Variants in NBAS observed in about 807,000 individuals in gnomAD.
NBAS encodes NBAS subunit of NRZ tethering complex.
A neutral mutation model predicts 302.5 loss-of-function variants in NBAS; 219 were observed. The observed-to-expected ratio is 0.72, with a 90% CI of 0.65 to 0.81. NBAS has a LOEUF of 0.81. Among genes scored for constraint, NBAS ranks in the 30% least tolerant of loss-of-function variants. The pLI is 0.00. For synonymous variants in NBAS, 1,118 were observed against 1,021.6 expected (o/e 1.09, Z -1.80); for missense variants, 2,932 against 2,841.6 (o/e 1.03, Z -0.72).
At chr2:15,064,453 A>G in the NBAS span, among the ~76,000 whole-genome samples, 10 of 152,226 alleles carry the variant, frequency 6.6e-5, no homozygotes, top group Middle Eastern at 3.4e-3. Context: ...ATAATCTACC[A>G]AGACTGAATT....
chr2:15,067,673 G>A, the NBAS span, among the ~76,000 whole-genome samples: 1 of 151,916 alleles, frequency 6.6e-6, no homozygotes. Flanking sequence ...TAGGGGCTGT[G>A]GGGGAGGGGG....
chr2:14,969,382 A>C, the NBAS span, among the ~76,000 whole-genome samples: 5 of 151,806 alleles, frequency 3.3e-5, no homozygotes, highest in Admixed American at 3.3e-4. Context: ...TATTATTATT[A>C]TTATTATTTT....
the NBAS span, among the ~76,000 whole-genome samples, chr2:15,041,887 G>T: frequency 6.6e-6 from 1 of 152,006 alleles, no homozygotes; most frequent in Non-Finnish European, 1.5e-5. Flanking sequence ...TGGAAATAAG[G>T]CCTGGGAGGA....
chr2:15,160,587 G>T, the NBAS span, among the ~76,000 whole-genome samples: 1 of 129,266 alleles, frequency 7.7e-6, no homozygotes, highest in East Asian at 2.8e-4. Flanking sequence ...AGTGTGGGCG[G>T]GGGGAGGGGG....
At chr2:15,005,476 T>C in the NBAS span, among the ~76,000 whole-genome samples, 4 of 152,250 alleles carry the variant, frequency 2.6e-5, no homozygotes, top group Admixed American at 6.5e-5. Flanking sequence ...CTCTGGGAGA[T>C]GGGCATTATT....
Position 15,238,629 on chromosome 2 carries a change from A to G in NBAS, c.5782T>C (p.Phe1928Leu). 6.2e-7 allele frequency: 1 copy of G among 1,613,264 alleles called. No homozygotes were observed. Among genetic ancestry groups the G allele is most frequent in the Non-Finnish European group, 8.5e-7 (1 of 1,179,860 alleles). ...TRKAIKTVKHFIEKPRKRNSE... is the reference protein window; with the variant it reads ...TRKAIKTVKHLIEKPRKRNSE... ...TTTCTTTTCCTTGGCTTCTCAATAA[A>G]ATGTTTGACTGTCTTAATAGCCTTT... The change falls in exon 45 of 52, where the codon TTT (phenylalanine) becomes CTT (leucine). Residue 1928 changes from phenylalanine (F) to leucine (L), a missense_variant. Transcript: ENST00000281513.
the NBAS span, among the ~76,000 whole-genome samples, chr2:15,086,378 C>G: frequency 6.6e-6 from 1 of 152,210 alleles, no homozygotes; most frequent in Non-Finnish European, 1.5e-5. Flanking sequence ...GCTCCTTTTC[C>G]TCTTGCTTAT....
At chr2:15,011,324 C>A in the NBAS span, among the ~76,000 whole-genome samples, 1 of 152,022 alleles carries the variant, frequency 6.6e-6, no homozygotes, top group African/African-American at 2.4e-5. Context: ...ACTATCCACC[C>A]CTCAGTATAA....
At chr2:15,080,258 C>T in the NBAS span, among the ~76,000 whole-genome samples, 1 of 152,092 alleles carries the variant, frequency 6.6e-6, no homozygotes, top group African/African-American at 2.4e-5. Context: ...CAATTGTGCC[C>T]CTTTAAGCCC....
At chr2:14,980,349 G>A in the NBAS span, among the ~76,000 whole-genome samples, 1,420 of 152,168 alleles carry the variant, frequency 9.3e-3, 24 homozygotes, top group African/African-American at 0.032. Flanking sequence ...AAAACAAGCA[G>A]AGCTCAGGCA....
At chr2:14,860,599 A>T in the NBAS span, among the ~76,000 whole-genome samples, 1 of 152,208 alleles carries the variant, frequency 6.6e-6, no homozygotes, top group Admixed American at 6.6e-5. Flanking sequence ...CAAATCCCAC[A>T]TGTTCTCACT....
At chr2:14,948,640 T>G in the NBAS span, among the ~76,000 whole-genome samples, 1 of 152,178 alleles carries the variant, frequency 6.6e-6, no homozygotes, top group South Asian at 2.1e-4. Context: ...CTGAAAGAAC[T>G]AATATTGTTA....
At chr2:15,499,685 G>A (rs571721855) in intron 11 of NBAS, among the ~76,000 whole-genome samples, 32 of 152,130 alleles carry the variant, frequency 2.1e-4, no homozygotes, top group African/African-American at 6.7e-4. Flanking sequence ...TATGGGTGAC[G>A]AAATAATCTG....
the NBAS span, among the ~76,000 whole-genome samples, chr2:14,909,365 C>CAAAAAAAAAAAAAAA: frequency 6.0e-5 from 3 of 50,118 alleles, no homozygotes; most frequent in Non-Finnish European, 1.1e-4. Flanking sequence ...GGGAGAGTTT[C>CAAAAAAAAAAAAAAA]TAAAAAAAAA....
Position 15,420,500 on chromosome 2 carries a change from C to T in NBAS, c.2578-2788G>A, listed in dbSNP as rs115521116. Among the ~76,000 whole-genome samples, 1,032 of 151,436 alleles carry T rather than the reference C, an allele frequency of 6.8e-3. 12 individuals are homozygous for T. Among genetic ancestry groups the T allele is most frequent in the African/African-American group, 0.022 (928 of 41,278 alleles). On this transcript the variant is annotated intron_variant, in intron 23 of 51. Coordinates refer to ENST00000281513, the MANE Select transcript of NBAS (RefSeq NM_015909.4). ...AGAATATGGTTCTTTTTTTTATTTACAAAATACAAGGGATGTGAATTTTAT... is the reference window on the plus strand; with the variant it reads ...AGAATATGGTTCTTTTTTTTATTTATAAAATACAAGGGATGTGAATTTTAT...
chr2:15,314,342 C>T (rs1671413892), intron 38 of NBAS, among the ~76,000 whole-genome samples: 1 of 152,180 alleles, frequency 6.6e-6, no homozygotes, highest in South Asian at 2.1e-4. Flanking sequence ...GCCTGGGCAA[C>T]AGAGAGAGAC....
chr2:15,374,797 C>T, intron 30 of NBAS, 77 bp from the exon 31 acceptor site: 1 of 1,220,112 alleles, frequency 8.2e-7, no homozygotes, highest in Non-Finnish European at 1.2e-6. Context: ...TGAGATCTAA[C>T]ACATATTTAT....
intron 35 of NBAS, among the ~76,000 whole-genome samples, chr2:15,338,911 G>A (rs1003280550): frequency 1.3e-5 from 2 of 152,092 alleles, no homozygotes; most frequent in Non-Finnish European, 2.9e-5. Context: ...TACTTGGGGG[G>A]CTGAGGCAGA....
chr2:14,995,348 A>G, the NBAS span, among the ~76,000 whole-genome samples: 1 of 152,144 alleles, frequency 6.6e-6, no homozygotes, highest in Non-Finnish European at 1.5e-5. Context: ...GCCGAAAATG[A>G]TGAGTTCATG....
Sources: gnomAD v4.1 joint callset for allele counts (sites outside exome capture counted in the v4.1 genomes callset) on GRCh38, gnomAD v4.1.1 for gene constraint, MANE v1.5 for transcripts, NCBI Gene and HGNC (gene_info 2026-07-23, HGNC 2026-07-21) for gene names.